LRP1B: variants seen among roughly 807,000 people sequenced by gnomAD.
The protein encoded by LRP1B is low-density lipoprotein receptor-related protein 1B.
In LRP1B, 217 loss-of-function variants were observed where a neutral mutation model predicts 556.6. The ratio of observed to expected loss-of-function variants is 0.39; its 90% CI spans 0.35 to 0.44. The LOEUF (loss-of-function observed/expected upper bound fraction) is 0.44. Ranked by LOEUF, LRP1B falls within the 20% of genes least tolerant of loss-of-function variation. The pLI is 1.00. For synonymous variants in LRP1B, 2,047 were observed against 1,865.8 expected, an observed-to-expected ratio of 1.10 and a Z score of -2.50; for missense variants, 5,053 against 5,620.8, an observed-to-expected ratio of 0.90 and a Z score of 3.23.
chr2:141,469,349 G>A (rs773140650), intron 3 of LRP1B, among the ~76,000 whole-genome samples: 6 of 152,148 alleles, frequency 3.9e-5, no homozygotes, highest in Non-Finnish European at 8.8e-5. Flanking sequence ...TTAATGTATT[G>A]CAATATTCTG....
At chr2:140,271,233 C>T (rs1682447400) in intron 85 of LRP1B, among the ~76,000 whole-genome samples, 1 of 151,886 alleles carries the variant, frequency 6.6e-6, no homozygotes, top group African/African-American at 2.4e-5. Context: ...TATCCCGGGA[C>T]CTACTCTGTG....
intron 3 of LRP1B, among the ~76,000 whole-genome samples, chr2:141,380,033 A>G (rs1416236726): frequency 6.6e-6 from 1 of 152,188 alleles, no homozygotes; most frequent in Non-Finnish European, 1.5e-5. Flanking sequence ...CTTGAAAAGA[A>G]TTCAACTACA....
chr2:140,565,190 CA>C (rs1681080254), intron 43 of LRP1B, among the ~76,000 whole-genome samples: 1 of 150,758 alleles, frequency 6.6e-6, no homozygotes, highest in Non-Finnish European at 1.5e-5. Flanking sequence ...TATTTTATGA[CA>C]TATATATCTG....
intron 1 of LRP1B, among the ~76,000 whole-genome samples, chr2:141,886,377 T>C (rs1004297675): frequency 2.6e-5 from 4 of 152,190 alleles, no homozygotes; most frequent in Non-Finnish European, 4.4e-5. Context: ...TTTTCTGAGA[T>C]GCAACACTGA....
intron 2 of LRP1B, among the ~76,000 whole-genome samples, chr2:141,801,249 G>C (rs573344797): frequency 4.6e-5 from 7 of 152,138 alleles, no homozygotes; most frequent in Admixed American, 3.3e-4. Context: ...ATGGTACTTA[G>C]GTCAAGTATA....
At chr2:140,676,984 T>C (rs1219411516) in intron 41 of LRP1B, among the ~76,000 whole-genome samples, 6 of 152,208 alleles carry the variant, frequency 3.9e-5, no homozygotes, top group Non-Finnish European at 8.8e-5. Context: ...AAATGAACAA[T>C]CATTGCAATT....
At chr2:141,504,740 G>C (rs1467625324) in intron 2 of LRP1B, among the ~76,000 whole-genome samples, 1 of 152,046 alleles carries the variant, frequency 6.6e-6, no homozygotes, top group Non-Finnish European at 1.5e-5. Flanking sequence ...ACCTGTGTAA[G>C]GGCTAGATTT....
intron 43 of LRP1B, among the ~76,000 whole-genome samples, chr2:140,559,904 A>T (rs980007255): frequency 2.6e-5 from 4 of 152,154 alleles, no homozygotes; most frequent in Admixed American, 2.0e-4. Context: ...TCAGGCAAAA[A>T]CATGAAACAA....
At chr2:141,943,309 A>G (rs1427911456) in intron 1 of LRP1B, among the ~76,000 whole-genome samples, 1 of 152,198 alleles carries the variant, frequency 6.6e-6, no homozygotes, top group Admixed American at 6.5e-5. Context: ...CCGAAGTGTT[A>G]TAACAATGGG....
intron 23 of LRP1B, among the ~76,000 whole-genome samples, chr2:140,888,340 T>TA (rs953930168): frequency 6.6e-6 from 1 of 151,998 alleles, no homozygotes; most frequent in South Asian, 2.1e-4. Context: ...ATTCAGAAAA[T>TA]AAAAATGAAT....
At chr2:140,361,380 A>ATATACATATATATATATATATAT (rs1553454115) in intron 72 of LRP1B, among the ~76,000 whole-genome samples, 1 of 128,808 alleles carries the variant, frequency 7.8e-6, no homozygotes, top group Non-Finnish European at 1.7e-5. Flanking sequence ...ATATATATAT[A>ATATACATATATATATATATATAT]ACAAAAATAA....
intron 1 of LRP1B, among the ~76,000 whole-genome samples, chr2:142,086,587 G>C (rs1705934004): frequency 6.6e-6 from 1 of 151,040 alleles, no homozygotes; most frequent in Admixed American, 6.6e-5. Flanking sequence ...TCTCCAGCCT[G>C]GCGACAGAGC....
At chr2:141,702,421 C>A (rs990869239) in intron 2 of LRP1B, among the ~76,000 whole-genome samples, 1 of 151,848 alleles carries the variant, frequency 6.6e-6, no homozygotes, top group Non-Finnish European at 1.5e-5. Flanking sequence ...AGGGCACATG[C>A]TTTTAAAAAT....
chr2:141,630,955 G>T (rs1361154939), intron 2 of LRP1B, among the ~76,000 whole-genome samples: 1 of 151,970 alleles, frequency 6.6e-6, no homozygotes, highest in Non-Finnish European at 1.5e-5. Flanking sequence ...TTTCACTGAT[G>T]CTCACTAGTA....
At chr2:141,321,612 C>T (rs907633009) in intron 3 of LRP1B, among the ~76,000 whole-genome samples, 1 of 152,004 alleles carries the variant, frequency 6.6e-6, no homozygotes, top group African/African-American at 2.4e-5. Context: ...CATGTGTCCA[C>T]CCTAGAGCCA....
chr2:140,588,371 A>C (rs1321447485), intron 43 of LRP1B, among the ~76,000 whole-genome samples: 4 of 152,208 alleles, frequency 2.6e-5, no homozygotes, highest in African/African-American at 9.6e-5. Context: ...GTAGACTGAT[A>C]AGTAATGAAT....
chr2:141,361,887 G>C (rs1688838733), intron 3 of LRP1B, among the ~76,000 whole-genome samples: 1 of 152,090 alleles, frequency 6.6e-6, no homozygotes, highest in African/African-American at 2.4e-5. Flanking sequence ...AGTTTAGTTA[G>C]AGCAAATCCA....
rs562393496 is a variant in LRP1B, at chr2:140,867,585, C to T, written c.4579+5G>A. ...TGGTTAATCCATAAGTGAACAAGCA[C>T]TTACCCTGTGGCTGGCGACTGGGAT... On this transcript the variant is annotated splice_donor_5th_base_variant and intron_variant, in intron 27 of 90. Coordinates refer to ENST00000389484, the MANE Select transcript of LRP1B (RefSeq NM_018557.3). The T allele has an allele frequency of 7.7e-5, 124 of 1,610,972 alleles. No homozygotes were observed. In the South Asian group the frequency reaches 1.3e-3, roughly 17 times the overall value.
chr2:141,031,083 C>T (rs1480833120), intron 11 of LRP1B, among the ~76,000 whole-genome samples: 2 of 151,838 alleles, frequency 1.3e-5, no homozygotes, highest in Non-Finnish European at 2.9e-5. Context: ...CTGGTAAATA[C>T]TAGGAACTTC....
Sources: gnomAD v4.1 joint callset for allele counts (sites outside exome capture counted in the v4.1 genomes callset) on GRCh38, gnomAD v4.1.1 for gene constraint, MANE v1.5 for transcripts, NCBI Gene and HGNC (gene_info 2026-07-23, HGNC 2026-07-21) for gene names.